Variants in SCHIP1 observed in about 807,000 individuals in gnomAD.
The protein encoded by SCHIP1 is schwannomin interacting protein 1.
In SCHIP1, 8 loss-of-function variants were observed where a neutral mutation model predicts 29.7. The ratio of observed to expected loss-of-function variants is 0.27; its 90% confidence interval spans 0.16 to 0.49. The LOEUF is 0.49. Among genes scored for constraint, SCHIP1 ranks in the 20% least tolerant of loss-of-function variants. The pLI is 0.99. For missense variants in SCHIP1, 193 were observed against 294.6 expected (o/e 0.66, Z 2.52); for synonymous variants, 76 against 94.9 (o/e 0.80, Z 1.16).
the SCHIP1 span, among the ~76,000 whole-genome samples, chr3:159,476,169 T>C: frequency 1.3e-5 from 2 of 152,196 alleles, no homozygotes; most frequent in African/African-American, 4.8e-5. Flanking sequence ...CCATTCAAAA[T>C]GACTTTACAG....
chr3:159,772,116 C>G, the SCHIP1 span, among the ~76,000 whole-genome samples: 4 of 152,212 alleles, frequency 2.6e-5, no homozygotes, highest in Non-Finnish European at 4.4e-5. Flanking sequence ...CCAGACTCAT[C>G]AATTTCTGAT....
chr3:159,334,681 C>T, the SCHIP1 span, among the ~76,000 whole-genome samples: 1 of 151,990 alleles, frequency 6.6e-6, no homozygotes, highest in Non-Finnish European at 1.5e-5. Flanking sequence ...TAAAATAATG[C>T]TTTTGAGAGT....
At chr3:159,727,543 T>A in the SCHIP1 span, among the ~76,000 whole-genome samples, 1 of 151,808 alleles carries the variant, frequency 6.6e-6, no homozygotes, top group South Asian at 2.1e-4. Flanking sequence ...TCAATAATAT[T>A]CATTAACATA....
At chr3:159,821,857 G>A in the SCHIP1 span, among the ~76,000 whole-genome samples, 471 of 152,230 alleles carry the variant, frequency 3.1e-3, 3 homozygotes, top group African/African-American at 0.011. Flanking sequence ...AGGGTCACTT[G>A]GACACAGCAC....
chr3:159,281,243 A>G, the SCHIP1 span, among the ~76,000 whole-genome samples: 2 of 152,226 alleles, frequency 1.3e-5, no homozygotes, highest in Admixed American at 6.5e-5. Context: ...TTTTGGAAGG[A>G]AGAGAAAGGC....
chr3:159,604,342 T>A, the SCHIP1 span, among the ~76,000 whole-genome samples: 1 of 152,200 alleles, frequency 6.6e-6, no homozygotes, highest in Non-Finnish European at 1.5e-5. Context: ...TGAGTAAGTC[T>A]GCAGACCCAA....
chr3:159,732,864 G>A, the SCHIP1 span, among the ~76,000 whole-genome samples: 26 of 152,224 alleles, frequency 1.7e-4, no homozygotes, highest in African/African-American at 5.5e-4. Context: ...GACTGCAGAG[G>A]AGAAAGTACA....
At chr3:159,877,880 G>A (rs1351496005) in intron 2 of SCHIP1, among the ~76,000 whole-genome samples, 1 of 152,188 alleles carries the variant, frequency 6.6e-6, no homozygotes, top group Admixed American at 6.5e-5. Context: ...TTACGTTAGA[G>A]TCTGTAATTT....
upstream of SCHIP1, among the ~76,000 whole-genome samples, chr3:159,839,166 G>A (rs1486861070): frequency 6.6e-6 from 1 of 151,804 alleles, no homozygotes; most frequent in Non-Finnish European, 1.5e-5. Context: ...TTGTCCGCAA[G>A]TCCAGAATTA....
At chr3:159,751,549 CTTT>C in the SCHIP1 span, among the ~76,000 whole-genome samples, 1 of 145,664 alleles carries the variant, frequency 6.9e-6, no homozygotes. Context: ...ACAATTATTT[CTTT>C]TTTTTTTTTT....
the SCHIP1 span, among the ~76,000 whole-genome samples, chr3:159,740,297 G>A: frequency 6.6e-6 from 1 of 152,214 alleles, no homozygotes; most frequent in South Asian, 2.1e-4. Flanking sequence ...ACCCACACTG[G>A]TGAATGGTTC....
the SCHIP1 span, among the ~76,000 whole-genome samples, chr3:159,589,878 G>A: frequency 7.2e-5 from 11 of 152,120 alleles, no homozygotes; most frequent in South Asian, 2.1e-4. Flanking sequence ...CTTCAAGTAT[G>A]TATACAAGAG....
chr3:159,453,451 C>A, the SCHIP1 span, among the ~76,000 whole-genome samples: 22 of 152,158 alleles, frequency 1.4e-4, no homozygotes, highest in African/African-American at 5.3e-4. Flanking sequence ...AAGAAACCTC[C>A]CTTACTGAGG....
the SCHIP1 span, chr3:159,273,832 C>T: frequency 5.6e-6 from 9 of 1,613,484 alleles, no homozygotes; most frequent in African/African-American, 1.3e-5. Flanking sequence ...TGGAGAGGTC[C>T]GGGCAGCGTG....
At chr3:159,838,322 A>G (rs9820807), upstream of SCHIP1, among the ~76,000 whole-genome samples, 33,766 of 152,138 alleles carry the variant, frequency 0.22, 5,020 homozygotes, top group African/African-American at 0.43. Context: ...AACTCCCACC[A>G]TTTTTAAGAG....
chr3:159,778,301 T>G, the SCHIP1 span, among the ~76,000 whole-genome samples: 1 of 151,580 alleles, frequency 6.6e-6, no homozygotes, highest in Non-Finnish European at 1.5e-5. Context: ...CTAGGAAACA[T>G]TTTTTATATT....
chr3:159,799,618 G>C, the SCHIP1 span, among the ~76,000 whole-genome samples: 1 of 152,168 alleles, frequency 6.6e-6, no homozygotes, highest in Non-Finnish European at 1.5e-5. Flanking sequence ...GTGATAATAA[G>C]GGAATATGTG....
chr3:159,769,691 A>C, the SCHIP1 span, among the ~76,000 whole-genome samples: 9 of 152,344 alleles, frequency 5.9e-5, no homozygotes, highest in African/African-American at 2.2e-4. Context: ...CGGAGGTTGC[A>C]GTGAGCCAAG....
At chr3:159,289,742 TA>T in the SCHIP1 span, among the ~76,000 whole-genome samples, 1 of 152,232 alleles carries the variant, frequency 6.6e-6, no homozygotes. Flanking sequence ...TGATACTACA[TA>T]AACATTTCTT....
Sources: gnomAD v4.1 joint callset for allele counts (sites outside exome capture counted in the v4.1 genomes callset) on GRCh38, gnomAD v4.1.1 for gene constraint, MANE v1.5 for transcripts, NCBI Gene and HGNC (gene_info 2026-07-23, HGNC 2026-07-21) for gene names.